Variants in HPSE2 observed in about 807,000 individuals in gnomAD.
HPSE2 encodes the protein inactive heparanase-2.
A neutral mutation model predicts 60.5 loss-of-function variants in HPSE2; 38 were observed. The observed-to-expected ratio is 0.63, with a 90% CI of 0.48 to 0.82. The LOEUF (loss-of-function observed/expected upper bound fraction) is 0.82, where lower values mean the gene tolerates loss of function less well. Among genes scored for constraint, HPSE2 ranks in the 40% least tolerant of loss-of-function variants. The probability of loss-of-function intolerance (pLI) is 0.00; values close to 1 mark genes in which losing one functional copy is unlikely to be tolerated. For synonymous variants in HPSE2, 295 were observed against 293.2 expected, an observed-to-expected ratio of 1.01 and a Z score of -0.06; for missense variants, 713 against 740.4, an observed-to-expected ratio of 0.96 and a Z score of 0.43.
intron 6 of HPSE2, among the ~76,000 whole-genome samples, chr10:98,646,864 C>A (rs987302580): frequency 2.0e-5 from 3 of 152,146 alleles, no homozygotes; most frequent in Non-Finnish European, 4.4e-5. Flanking sequence ...TGGAAAATCA[C>A]CTACAGTATA....
At position 98,929,844 on chromosome 10, in the gene HPSE2, A is replaced by C. The variant is rs181670131; in HGVS notation, c.611-185788T>G. Among the ~76,000 whole-genome samples the C allele has an allele frequency of 1.6e-4, 23 of 144,204 alleles. 3 individuals carry two copies. The highest frequency in any genetic ancestry group is 6.2e-4 in the African/African-American group (22 of 35,636). The allele number at this position is 144,204 out of a possible 152,430, so 94.6% of individuals were successfully genotyped here. On this transcript the variant is annotated intron_variant, in intron 3 of 11. Transcript: ENST00000370552. ...GAAAAAAGTGAATATTTCATGACAC[A>C]GAAAATTATTTTTAAACATTAAAAT...
intron 3 of HPSE2, among the ~76,000 whole-genome samples, chr10:98,979,831 A>G (rs139721598): frequency 9.3e-4 from 142 of 152,326 alleles, no homozygotes; most frequent in African/African-American, 3.3e-3. Context: ...CAAAAGCAGA[A>G]GCGTTAGAGA....
chr10:98,509,642 C>T (rs1405742885), intron 9 of HPSE2, among the ~76,000 whole-genome samples: 1 of 152,014 alleles, frequency 6.6e-6, no homozygotes, highest in Non-Finnish European at 1.5e-5. Flanking sequence ...GCTGGGATTA[C>T]AGGCGCCTGC....
chr10:99,016,201 A>ATT (rs1957137743), intron 3 of HPSE2, among the ~76,000 whole-genome samples: 1 of 152,112 alleles, frequency 6.6e-6, no homozygotes, highest in Non-Finnish European at 1.5e-5. Flanking sequence ...ATCCATCTTA[A>ATT]TTTTTATATA....
intron 3 of HPSE2, among the ~76,000 whole-genome samples, chr10:98,764,201 G>A (rs1950069333): frequency 6.6e-6 from 1 of 152,046 alleles, no homozygotes; most frequent in Non-Finnish European, 1.5e-5. Context: ...AACTGAGAAA[G>A]GTTATGTATG....
chr10:99,229,620 C>T (rs914499177), intron 2 of HPSE2, among the ~76,000 whole-genome samples: 1 of 152,152 alleles, frequency 6.6e-6, no homozygotes, highest in Non-Finnish European at 1.5e-5. Flanking sequence ...AAGCCCTGGG[C>T]CACACATTCA....
chr10:99,099,386 C>T (rs937258279), intron 3 of HPSE2, among the ~76,000 whole-genome samples: 3 of 152,192 alleles, frequency 2.0e-5, no homozygotes, highest in African/African-American at 4.8e-5. Context: ...CGTGGAGTCT[C>T]GCTCATTGCT....
chr10:98,936,700 G>A (rs188492836), intron 3 of HPSE2, among the ~76,000 whole-genome samples: 1 of 143,172 alleles, frequency 7.0e-6, no homozygotes, highest in Admixed American at 7.0e-5. Context: ...GAAAGTTTTG[G>A]CCAGGTGCGG....
At chr10:99,034,179 A>G (rs1957559530) in intron 3 of HPSE2, among the ~76,000 whole-genome samples, 1 of 152,216 alleles carries the variant, frequency 6.6e-6, no homozygotes, top group African/African-American at 2.4e-5. Flanking sequence ...TTATGCAACA[A>G]CATAGATAAA....
At chr10:99,177,686 C>A (rs1001639365) in intron 2 of HPSE2, among the ~76,000 whole-genome samples, 12 of 152,016 alleles carry the variant, frequency 7.9e-5, no homozygotes, top group African/African-American at 2.9e-4. Context: ...GACTTTAACA[C>A]CCCACTGTCA....
chr10:98,627,825 T>C (rs1263900447), intron 7 of HPSE2, among the ~76,000 whole-genome samples: 1 of 152,182 alleles, frequency 6.6e-6, no homozygotes, highest in Non-Finnish European at 1.5e-5. Flanking sequence ...AACATCAGAG[T>C]TGGTTGTTTT....
chr10:98,991,842 C>T (rs1011563905), intron 3 of HPSE2, among the ~76,000 whole-genome samples: 1 of 152,118 alleles, frequency 6.6e-6, no homozygotes, highest in African/African-American at 2.4e-5. Flanking sequence ...ACCCAGTTAG[C>T]AAAGTCATGC....
At chr10:98,953,846 T>G (rs1955436428) in intron 3 of HPSE2, among the ~76,000 whole-genome samples, 1 of 152,188 alleles carries the variant, frequency 6.6e-6, no homozygotes, top group Non-Finnish European at 1.5e-5. Flanking sequence ...CCTCTAAGCC[T>G]CAGCTTCTTC....
At chr10:98,887,936 A>AT (rs1554836892) in intron 3 of HPSE2, among the ~76,000 whole-genome samples, 16 of 111,580 alleles carry the variant, frequency 1.4e-4, no homozygotes, top group South Asian at 5.9e-4. Context: ...AATAATAATA[A>AT]AATAAAAAAT....
chr10:98,461,743 T>A, intron 11 of HPSE2: 1 of 1,552,198 alleles, frequency 6.4e-7, no homozygotes, highest in Non-Finnish European at 8.8e-7. Flanking sequence ...CAGAATTAGG[T>A]GCAAACCTTT....
chr10:99,000,504 C>CATAGAACAAATGCT (rs1956753451), intron 3 of HPSE2, among the ~76,000 whole-genome samples: 1 of 151,900 alleles, frequency 6.6e-6, no homozygotes, highest in Non-Finnish European at 1.5e-5. Context: ...GAACAGGGTG[C>CATAGAACAAATGCT]AAGAACAAAA....
chr10:99,110,272 T>C (rs1218614682), intron 3 of HPSE2, among the ~76,000 whole-genome samples: 2 of 152,194 alleles, frequency 1.3e-5, no homozygotes, highest in African/African-American at 2.4e-5. Flanking sequence ...GAGAGCCTAG[T>C]TGGCTCTTCA....
chr10:98,636,261 A>T (rs1946498151), intron 7 of HPSE2, among the ~76,000 whole-genome samples: 2 of 151,464 alleles, frequency 1.3e-5, no homozygotes, highest in South Asian at 4.2e-4. Flanking sequence ...TTTTTTTGAA[A>T]CAGAGTCTCG....
chr10:99,227,878 T>C (rs1464154967), intron 2 of HPSE2, among the ~76,000 whole-genome samples: 5 of 145,864 alleles, frequency 3.4e-5, no homozygotes, highest in Non-Finnish European at 7.5e-5. Flanking sequence ...TATGTGTGTG[T>C]GTGTGTGTGT....
Sources: allele counts gnomAD v4.1 joint callset (sites outside exome capture counted in the v4.1 genomes callset), GRCh38; gene constraint gnomAD v4.1.1; transcripts MANE v1.5; gene names NCBI Gene and HGNC (gene_info 2026-07-23, HGNC 2026-07-21).